The following CELSR1 variants were observed in gnomAD, a reference collection of about 807,000 sequenced individuals.
The protein encoded by CELSR1 is adhesion G protein-coupled receptor C1.
Under a neutral mutation model 249.1 loss-of-function variants are expected in CELSR1, and 110 were observed. The ratio of observed to expected loss-of-function variants is 0.44; its 90% confidence interval spans 0.38 to 0.52. The LOEUF is 0.52. CELSR1 is among the 20% of genes least tolerant of loss of function. The pLI, the probability that CELSR1 is intolerant of heterozygous loss-of-function variation, is 0.00. For synonymous variants in CELSR1, 2,113 were observed against 1,900.0 expected (o/e 1.11, Z -2.92); for missense variants, 4,109 against 4,296.4 (o/e 0.96, Z 1.22).
At chr22:46,511,610 A>G (rs2080574605) in intron 1 of CELSR1, among the ~76,000 whole-genome samples, 1 of 152,204 alleles carries the variant, frequency 6.6e-6, no homozygotes, top group African/African-American at 2.4e-5. Flanking sequence ...CCAGGACTTG[A>G]GAAGCTCAGG....
In CELSR1 at chr22:46,363,542, T is replaced by TA. The variant is rs377648301; in HGVS notation, c.9036-296_9036-295insT. 6.6e-4 allele frequency: 238 copies of TA among 361,650 alleles called. No individual in the cohort carries two copies. Among genetic ancestry groups the TA allele is most frequent in the African/African-American group, 4.6e-3 (226 of 48,688 alleles). The allele number at this position is 361,650 out of a possible 1,614,324, so 22.4% of individuals were successfully genotyped here. On this transcript the variant is annotated intron_variant, in intron 34 of 34. Transcript: ENST00000674500. This position sits in a 1 kb window ranked among gnomAD's most constrained non-coding sequence, Gnocchi z 4.3. ...TTTTGGAAGGGGCATTCTGAAGACC[T>TA]GGCTTCTCCCTTGTGAGTTTGGAGG...
Position 46,445,779 on chromosome 22 carries a change from C to T in CELSR1, c.4184-6368G>A, listed in dbSNP as rs1211108310. ...GCTGGCAGAGCCTTTCCCGTCGATGCTTCGGAGGTGGAAGCGTCCAGGACT... is the reference window on the plus strand; with the variant it reads ...GCTGGCAGAGCCTTTCCCGTCGATGTTTCGGAGGTGGAAGCGTCCAGGACT... On this transcript the variant is annotated intron_variant, in intron 2 of 34. Coordinates refer to ENST00000674500, the MANE Select transcript of CELSR1 (RefSeq NM_001378328.1). This position sits in a 1 kb window ranked among gnomAD's most constrained non-coding sequence, Gnocchi z 4.4. Among the ~76,000 whole-genome samples the T allele has an allele frequency of 3.3e-5, 5 of 152,190 alleles. No homozygotes were observed. Among genetic ancestry groups the T allele is most frequent in the Non-Finnish European group, 7.4e-5 (5 of 68,024 alleles).
Position 46,398,587 on chromosome 22 carries a change from C to T in CELSR1, c.5463G>A (p.Val1821=). Residue 1821 remains valine, a synonymous_variant, in exon 11 of 35, where the codon GTG becomes GTA. Transcript: ENST00000674500. The surrounding 1 kb of genome is among the most constrained non-coding windows in gnomAD (Gnocchi z 7.2). The stretch of plus-strand genomic sequence containing the variant: ...TGTCTTCAGAGGCGCCTCCGACCAC[C>T]ACGCTCCTTACCGTCAGCCCGGGAA... ...GMLPGLTVRS[V]VVGGASEDKV... is the part of the protein sequence containing the mutation. 1 of 1,613,962 alleles carries T rather than the reference C, an allele frequency of 6.2e-7. No homozygotes were observed. The highest frequency in any genetic ancestry group is 8.5e-7 in the Non-Finnish European group (1 of 1,179,960).
At chr22:46,386,095 G>A (rs2079030657) in intron 19 of CELSR1, among the ~76,000 whole-genome samples, 1 of 151,638 alleles carries the variant, frequency 6.6e-6, no homozygotes, top group African/African-American at 2.4e-5. Context: ...TCAGCCTCCT[G>A]AGTAGCTGGG....
chr22:46,369,591 C>T (rs1281641828), intron 26 of CELSR1, 101 bp downstream of exon 26: 5 of 1,054,760 alleles, frequency 4.7e-6, no homozygotes, highest in African/African-American at 3.2e-5. Flanking sequence ...TGCCCCCCGT[C>T]GGCTGCTCAG....
intron 1 of CELSR1, among the ~76,000 whole-genome samples, chr22:46,508,441 C>A (rs1490122208): frequency 6.7e-6 from 1 of 148,248 alleles, no homozygotes; most frequent in Non-Finnish European, 1.5e-5. Flanking sequence ...GCCCCCCCAC[C>A]CCCGCCCCTT....
At position 46,374,961 on chromosome 22, in the gene CELSR1, C is replaced by G. The variant is rs1226612076; in HGVS notation, c.7585-1904G>C. Among the ~76,000 whole-genome samples the G allele has an allele frequency of 6.6e-6, 1 of 152,160 alleles. No individual in the cohort carries two copies. Among genetic ancestry groups the G allele is most frequent in the South Asian group, 2.1e-4 (1 of 4,830 alleles). ...GGTTGGCCCTGGCTGGTCTGACACA[C>G]GCCTCGGGGCTCGTCCTTCATGGGC... is the stretch of plus-strand genomic sequence containing the variant. On this transcript the variant is annotated intron_variant, in intron 24 of 34. Coordinates refer to ENST00000674500, the MANE Select transcript of CELSR1 (RefSeq NM_001378328.1). The surrounding 1 kb of genome is among the most constrained non-coding windows in gnomAD (Gnocchi z 4.3).
chr22:46,421,673 C>T (rs2079474209), intron 5 of CELSR1, among the ~76,000 whole-genome samples: 1 of 152,268 alleles, frequency 6.6e-6, no homozygotes, highest in African/African-American at 2.4e-5. Flanking sequence ...CCTCTATCGG[C>T]TTCTATGCCC....
intron 24 of CELSR1, among the ~76,000 whole-genome samples, chr22:46,376,497 C>A (rs887888975): frequency 6.6e-6 from 1 of 152,182 alleles, no homozygotes; most frequent in Non-Finnish European, 1.5e-5. Context: ...GCCTCAGCCT[C>A]CTGAGTAGCT....
intron 1 of CELSR1, among the ~76,000 whole-genome samples, chr22:46,513,108 C>A (rs1569211709): frequency 1.3e-5 from 2 of 152,198 alleles, no homozygotes; most frequent in Non-Finnish European, 2.9e-5. Flanking sequence ...AAACCCGCGA[C>A]CACCATCACG....
At chr22:46,458,081 A>G (rs6008840) in intron 2 of CELSR1, among the ~76,000 whole-genome samples, 6,130 of 151,254 alleles carry the variant, frequency 0.041, 293 homozygotes, top group African/African-American at 0.12. Flanking sequence ...AGCAAACACC[A>G]CCATGGGGGT....
Position 46,381,758 on chromosome 22 carries a change from G to A in CELSR1, c.7088+88C>T. 1 of 1,223,494 alleles carries A rather than the reference G, an allele frequency of 8.2e-7. No individual in the cohort carries two copies. The highest frequency in any genetic ancestry group is 1.1e-6 in the Non-Finnish European group (1 of 882,526). 75.8% of individuals were successfully genotyped at this position (1,223,494 alleles called of 1,614,324 possible). ...GTGAAATGTCACTGTGAAGACCTGT[G>A]CTTGATCAGGATCAGGATTTTGACC... On this transcript the variant is annotated intron_variant, in intron 21 of 34. Coordinates refer to ENST00000674500, the MANE Select transcript of CELSR1 (RefSeq NM_001378328.1). The surrounding 1 kb of genome is among the most constrained non-coding windows in gnomAD (Gnocchi z 6.0).
intron 1 of CELSR1, among the ~76,000 whole-genome samples, chr22:46,474,500 G>C (rs1471813557): frequency 1.3e-5 from 2 of 152,092 alleles, no homozygotes; most frequent in Non-Finnish European, 2.9e-5. Flanking sequence ...GCCTGGTCCT[G>C]ACCCCTAGAC....
chr22:46,371,045 C>T (rs2078845881), intron 25 of CELSR1, among the ~76,000 whole-genome samples: 1 of 152,242 alleles, frequency 6.6e-6, no homozygotes, highest in African/African-American at 2.4e-5. Context: ...TGTTCTTCAT[C>T]TCAGCGTCTC....
At position 46,533,870 on chromosome 22, in the gene CELSR1, G is replaced by A. The variant is rs780101304; in HGVS notation, c.3301C>T (p.Leu1101=). 2.5e-6 allele frequency: 4 copies of A among 1,613,746 alleles called. No individual in the cohort carries two copies. The highest frequency in any genetic ancestry group is 3.4e-6 in the Non-Finnish European group (4 of 1,180,028). Residue 1101 remains leucine (L), a synonymous_variant, in exon 1 of 35, where the codon CTG becomes TTG. Coordinates refer to ENST00000674500, the MANE Select transcript of CELSR1 (RefSeq NM_001378328.1). ...LVDQNDNPPV[L]PDFQILFNNY... ...TTGAAGAGGATCTGGAAGTCGGGCA[G>A]CACAGGCGGGTTGTCATTCTGGTCC...
At position 46,363,900 on chromosome 22, in the gene CELSR1, G is replaced by A; in HGVS notation, c.9035+96C>T. The A allele has an allele frequency of 7.1e-7, 1 of 1,413,018 alleles. No homozygotes were observed. Among genetic ancestry groups the A allele is most frequent in the African/African-American group, 1.5e-5 (1 of 68,768 alleles). 87.5% of individuals were successfully genotyped at this position (1,413,018 alleles called of 1,614,324 possible). ...CTCTGCACTCAGGGCTCCAGGTGAG[G>A]TGGGTGTCAGGTCCCTGACCACTGC... On this transcript the variant is annotated intron_variant, in intron 34 of 34. Transcript: ENST00000674500. This position sits in a 1 kb window ranked among gnomAD's most constrained non-coding sequence, Gnocchi z 4.3.
At chr22:46,458,517 C>T (rs1227654221) in intron 2 of CELSR1, among the ~76,000 whole-genome samples, 1 of 152,176 alleles carries the variant, frequency 6.6e-6, no homozygotes, top group Admixed American at 6.5e-5. Context: ...AGAGGCTGAA[C>T]GTGGGGCCAA....
Position 46,365,700 on chromosome 22 carries a change from C to G in CELSR1, c.8301-11G>C, listed in dbSNP as rs758732699. 6 of 1,558,058 alleles carry G rather than the reference C, an allele frequency of 3.9e-6. No homozygotes were observed. Among genetic ancestry groups the G allele is most frequent in the African/African-American group, 1.4e-5 (1 of 73,380 alleles). On this transcript the variant is annotated splice_polypyrimidine_tract_variant and intron_variant, in intron 30 of 34. Coordinates refer to ENST00000674500, the MANE Select transcript of CELSR1 (RefSeq NM_001378328.1). ...TGGATCCCTTCATCCCTAGAGAGGCCAGGGAGGGTGGGCTCAGTATCATCC... is the reference window on the plus strand; with the variant it reads ...TGGATCCCTTCATCCCTAGAGAGGCGAGGGAGGGTGGGCTCAGTATCATCC...
At position 46,436,253 on chromosome 22, in the gene CELSR1, G is replaced by A; in HGVS notation, c.4443C>T (p.Tyr1481=). ...CGTGCTTCTCATTGAAGCGGCCGTT[G>A]TAGAGAAGCAAGCCGTTCCTTTCCT... ...ATQERNGLLL[Y]NGRFNEKHDF... Residue 1481 remains tyrosine (Y), a synonymous_variant, in exon 4 of 35, where the codon TAC becomes TAT. Coordinates refer to ENST00000674500, the MANE Select transcript of CELSR1 (RefSeq NM_001378328.1). The surrounding 1 kb of genome is among the most constrained non-coding windows in gnomAD (Gnocchi z 5.9). The A allele has an allele frequency of 1.2e-6, 2 of 1,614,160 alleles. No homozygotes were observed. Among genetic ancestry groups the A allele is most frequent in the Non-Finnish European group, 1.7e-6 (2 of 1,180,026 alleles).
Sources: allele counts gnomAD v4.1 joint callset (sites outside exome capture counted in the v4.1 genomes callset), GRCh38; gene constraint gnomAD v4.1.1; non-coding constraint Gnocchi (gnomAD v3.1); transcripts MANE v1.5; gene names NCBI Gene and HGNC (gene_info 2026-07-23, HGNC 2026-07-21).